PCDHA1: variants seen among roughly 807,000 people sequenced by gnomAD.
PCDHA1 encodes the protein protocadherin alpha 1.
Under a neutral mutation model 61.3 loss-of-function variants are expected in PCDHA1, and 42 were observed. The observed-to-expected ratio is 0.69, with a 90% confidence interval of 0.54 to 0.89. The LOEUF (loss-of-function observed/expected upper bound fraction) is 0.89, where lower values mean the gene tolerates loss of function less well. Among genes scored for constraint, PCDHA1 ranks in the 40% least tolerant of loss-of-function variants. The pLI is 0.00. For synonymous variants in PCDHA1, 610 were observed against 553.8 expected (o/e 1.10, Z -1.43); for missense variants, 1,256 against 1,235.3 (o/e 1.02, Z -0.25).
intron 1 of PCDHA1, chr5:140,824,297 C>A: frequency 1.1e-6 from 1 of 881,762 alleles, no homozygotes; most frequent in Non-Finnish European, 1.8e-6. Context: ...GGCTTTTCTG[C>A]TGGGGTAATA....
At chr5:140,834,720 C>G in intron 1 of PCDHA1, 1 of 1,614,234 alleles carries the variant, frequency 6.2e-7, no homozygotes, top group Non-Finnish European at 8.5e-7. Context: ...CGTGGAAAGG[C>G]CGCTGCAGGT....
rs116814228 is a variant in PCDHA1, at chr5:140,916,284, C to T, written c.2395-62665C>T. ...AGAGCATGCTTGTTGCTCTACTCCACGTGGCCAAACTGGTACCAAAGGTGC... is the reference window on the plus strand; with the variant it reads ...AGAGCATGCTTGTTGCTCTACTCCATGTGGCCAAACTGGTACCAAAGGTGC... On this transcript the variant is annotated intron_variant, in intron 1 of 3. Coordinates refer to ENST00000504120, the MANE Select transcript of PCDHA1 (RefSeq NM_018900.4). Among the ~76,000 whole-genome samples the T allele has an allele frequency of 8.7e-3, 1,322 of 152,308 alleles. 14 individuals carry two copies. The highest frequency in any genetic ancestry group is 0.03 in the African/African-American group (1,254 of 41,566).
rs2150463409 is a variant in PCDHA1 at position 140,850,016 on chromosome 5, C to G, written c.2394+61332C>G. On this transcript the variant is annotated intron_variant, in intron 1 of 3. Transcript: ENST00000504120. ...TGGGCGAGCGCTCGCTGTCGAGCTA[C>G]GTGTCAGTGCACGCGGAGAGCGGCA... The G allele has an allele frequency of 2.5e-5, 40 of 1,596,912 alleles. 3 individuals are homozygous for G. The South Asian group carries it at 4.1e-4, about 16-fold the overall frequency.
intron 1 of PCDHA1, chr5:140,870,249 A>T (rs1554163944): frequency 6.2e-7 from 1 of 1,614,160 alleles, no homozygotes; most frequent in Non-Finnish European, 8.5e-7. Flanking sequence ...GTGTCAACGG[A>T]CAGGTGACCT....
chr5:140,886,373 G>A (rs2060960480), intron 1 of PCDHA1, among the ~76,000 whole-genome samples: 2 of 152,042 alleles, frequency 1.3e-5, no homozygotes. Context: ...ACATGCCATG[G>A]TGTGCTTATC....
At chr5:140,857,001 A>T in intron 1 of PCDHA1, 1 of 1,595,350 alleles carries the variant, frequency 6.3e-7, no homozygotes, top group Non-Finnish European at 8.6e-7. Flanking sequence ...TATGAAATTC[A>T]TGTAGATGTT....
At chr5:140,882,050 T>TA (rs1260382802) in intron 1 of PCDHA1, 7 of 756,632 alleles carry the variant, frequency 9.3e-6, no homozygotes, top group African/African-American at 3.5e-5. Context: ...GAGTCATACT[T>TA]ACACTTACAC....
intron 1 of PCDHA1, among the ~76,000 whole-genome samples, chr5:140,900,826 A>G (rs1554189460): frequency 2.0e-5 from 3 of 152,224 alleles, no homozygotes. Flanking sequence ...CATTCCCACC[A>G]ACAATGTACA....
Position 140,843,193 on chromosome 5 carries a change from G to A in PCDHA1, c.2394+54509G>A, listed in dbSNP as rs2150355040. The A allele has an allele frequency of 5.0e-6, 8 of 1,595,932 alleles. 1 individual carries two copies. The highest frequency in any genetic ancestry group is 6.9e-6 in the Non-Finnish European group (8 of 1,165,582). On this transcript the variant is annotated intron_variant, in intron 1 of 3. Transcript: ENST00000504120. ...GCAGCCCTCGCATCCCGTTCCGCGTGGGGCTGTACACGGGCGAGATCAGCA... is the reference window on the plus strand; with the variant it reads ...GCAGCCCTCGCATCCCGTTCCGCGTAGGGCTGTACACGGGCGAGATCAGCA...
chr5:141,006,948 A>G (rs1432589918), intron 3 of PCDHA1, among the ~76,000 whole-genome samples: 3 of 152,194 alleles, frequency 2.0e-5, no homozygotes, highest in African/African-American at 7.2e-5. Flanking sequence ...CCAGATAGGC[A>G]GTTATACATG....
At chr5:140,938,395 C>G (rs2092045479) in intron 1 of PCDHA1, among the ~76,000 whole-genome samples, 1 of 152,114 alleles carries the variant, frequency 6.6e-6, no homozygotes, top group African/African-American at 2.4e-5. Context: ...ATATGAAATA[C>G]ATTGTTTGAT....
At chr5:140,846,652 G>T (rs910062577) in intron 1 of PCDHA1, among the ~76,000 whole-genome samples, 4 of 149,138 alleles carry the variant, frequency 2.7e-5, no homozygotes, top group African/African-American at 9.8e-5. Context: ...GGGATTACAG[G>T]CATGAGCCAC....
intron 1 of PCDHA1, among the ~76,000 whole-genome samples, chr5:140,905,614 A>T (rs1167406063): frequency 6.6e-6 from 1 of 152,094 alleles, no homozygotes; most frequent in Non-Finnish European, 1.5e-5. Flanking sequence ...GAATCTATAG[A>T]TTGCTTTTGA....
chr5:140,966,109 C>G (rs373588380), intron 1 of PCDHA1: 47 of 156,394 alleles, frequency 3.0e-4, no homozygotes, highest in African/African-American at 1.1e-3. Context: ...GCCTGGGTGC[C>G]CATACTTAGC....
intron 1 of PCDHA1, among the ~76,000 whole-genome samples, chr5:140,826,104 A>G (rs1481696647): frequency 2.0e-5 from 3 of 152,168 alleles, no homozygotes; most frequent in African/African-American, 7.2e-5. Context: ...CTATCATGCT[A>G]TTTATATATT....
At chr5:140,968,341 C>T in intron 1 of PCDHA1, 1 of 1,614,132 alleles carries the variant, frequency 6.2e-7, no homozygotes, top group Non-Finnish European at 8.5e-7. Context: ...TCTCCATTAA[C>T]AGTGCCAGTG....
intron 1 of PCDHA1, chr5:140,877,968 C>A: frequency 7.9e-7 from 1 of 1,272,970 alleles, no homozygotes; most frequent in Non-Finnish European, 1.0e-6. Context: ...CTTTCTTGGT[C>A]ATTCTTACTC....
intron 1 of PCDHA1, chr5:140,842,408 G>A (rs1266480987): frequency 1.2e-6 from 2 of 1,612,204 alleles, no homozygotes; most frequent in Non-Finnish European, 1.7e-6. Flanking sequence ...ACGTGAAGAC[G>A]CTCAATTTGG....
chr5:140,926,903 G>C (rs369906778), intron 1 of PCDHA1: 13 of 1,557,942 alleles, frequency 8.3e-6, no homozygotes, highest in African/African-American at 1.4e-5. Flanking sequence ...ATGGTGGGCT[G>C]TGGGGTGGCA....
Sources: allele counts gnomAD v4.1 joint callset (sites outside exome capture counted in the v4.1 genomes callset), GRCh38; gene constraint gnomAD v4.1.1; transcripts MANE v1.5; gene names NCBI Gene and HGNC (gene_info 2026-07-23, HGNC 2026-07-21).